Variants in PPM1F observed in about 807,000 individuals in gnomAD.
PPM1F encodes the protein protein phosphatase 1F.
PPM1F carries 17 observed loss-of-function variants against 35.5 expected under a neutral mutation model. The ratio of observed to expected loss-of-function variants is 0.48; its 90% confidence interval spans 0.33 to 0.72. PPM1F has a LOEUF of 0.72. PPM1F is among the 30% of genes least tolerant of loss of function. The probability of loss-of-function intolerance (pLI) is 0.02; values close to 1 mark genes in which losing one functional copy is unlikely to be tolerated. For synonymous variants in PPM1F, 241 were observed against 255.5 expected, an observed-to-expected ratio of 0.94 and a Z score of 0.54; for missense variants, 521 against 613.0, an observed-to-expected ratio of 0.85 and a Z score of 1.59.
intron 3 of PPM1F, chr22:21,934,513 A>G (rs2070635579): frequency 4.7e-6 from 2 of 427,058 alleles, no homozygotes; most frequent in Non-Finnish European, 8.4e-6. Context: ...TTTTAAAGAC[A>G]AAGTACAGAA....
rs1292710678 is a variant in PPM1F, at chr22:21,939,541, G to A, written c.346C>T (p.Pro116Ser). Residue 116 changes from proline to serine, a missense_variant, in exon 3 of 8, where the codon CCT becomes TCT. Pro to Ser is a moderately conservative substitution (Grantham distance 74). Coordinates refer to ENST00000263212, the MANE Select transcript of PPM1F (RefSeq NM_014634.4). This position sits in a 1 kb window ranked among gnomAD's most constrained non-coding sequence, Gnocchi z 5.1. ...AAGAAACAGAACTCACAGGTCACAG[G>A]GGCCTTTTCCTCCTCGTCATCGTCC... ...EEDDDEEEKA[P>S]VTLLDAQSLA... 6.3e-7 allele frequency: 1 copy of A among 1,596,084 alleles called. No homozygotes were observed. The highest frequency in any genetic ancestry group is 8.5e-7 in the Non-Finnish European group (1 of 1,170,354).
In PPM1F at chr22:21,922,393, T is replaced by TG. The variant is rs1425210433; in HGVS notation, c.*698dup. 6.6e-6 allele frequency: 1 copy of TG among 152,482 alleles called. No homozygotes were observed. Among genetic ancestry groups the TG allele is most frequent in the Non-Finnish European group, 1.5e-5 (1 of 68,036 alleles). 9.4% of individuals were successfully genotyped at this position (152,482 alleles called of 1,614,324 possible). On this transcript the variant is annotated 3_prime_UTR_variant, in exon 8 of 8. Coordinates refer to ENST00000263212, the MANE Select transcript of PPM1F (RefSeq NM_014634.4). ...ATACTGCTTCGGAATTAGACCTCCC[T>TG]GGAAAAAAACAAACACACCAACAAA...
At position 21,921,151 on chromosome 22, in the gene PPM1F, C is replaced by T. The variant is rs41283227; in HGVS notation, c.*1941G>A. 0.13 allele frequency: 20,505 copies of T among 152,508 alleles called. 1,514 individuals carry two copies. The highest frequency in any genetic ancestry group is 0.18 in the Middle Eastern group (53 of 296). The allele number at this position is 152,508 out of a possible 1,614,324, so 9.4% of individuals were successfully genotyped here. ...TAGGGCCCCAGCAAAGCTGGCTCCC[C>T]GCTCCCTGTGGGACAGAGGGCTCCC... On this transcript the variant is annotated 3_prime_UTR_variant, in exon 8 of 8. Coordinates refer to ENST00000263212, the MANE Select transcript of PPM1F (RefSeq NM_014634.4).
rs1292069014 is a variant in PPM1F at position 21,921,706 on chromosome 22, G to T, written c.*1386C>A. 1 of 152,312 alleles carries T rather than the reference G, an allele frequency of 6.6e-6. No homozygotes were observed. Among genetic ancestry groups the T allele is most frequent in the African/African-American group, 2.4e-5 (1 of 41,476 alleles). 9.4% of individuals were successfully genotyped at this position (152,312 alleles called of 1,614,324 possible). A position where few individuals can be genotyped will look rare whatever the true frequency, so the allele number is the denominator to read the frequency against. On this transcript the variant is annotated 3_prime_UTR_variant, in exon 8 of 8. Coordinates refer to ENST00000263212, the MANE Select transcript of PPM1F (RefSeq NM_014634.4). ...AGCATCCCTGCTGCCTCCAGACTGA[G>T]ACAGAGACCCACGGGCTGCCTCTGT...
intron 2 of PPM1F, chr22:21,943,805 C>G (rs549214040): frequency 6.6e-6 from 1 of 152,422 alleles, no homozygotes; most frequent in Admixed American, 6.5e-5. Context: ...GCACCTGTGC[C>G]CCACGCAGGC....
chr22:21,931,088 A>G (rs1388140513), intron 6 of PPM1F, 60 bp downstream of exon 6: 3 of 1,597,574 alleles, frequency 1.9e-6, no homozygotes, highest in Non-Finnish European at 8.5e-7. Flanking sequence ...GGGTTCCCCT[A>G]TGGGCCCAGC....
At position 21,946,091 on chromosome 22, in the gene PPM1F, G is replaced by A. The variant is rs2070775030; in HGVS notation, c.-43C>T. 6.9e-7 allele frequency: 1 copy of A among 1,454,460 alleles called. No individual in the cohort carries two copies. Among genetic ancestry groups the A allele is most frequent in the African/African-American group, 1.4e-5 (1 of 69,500 alleles). 90.1% of individuals were successfully genotyped at this position (1,454,460 alleles called of 1,614,324 possible). A position where few individuals can be genotyped will look rare whatever the true frequency, so the allele number is the denominator to read the frequency against. ...GGCCTGCAGCTAGGCCAGGGCAAGAGGGTCTCCAGGCTTCACCCTGGGGAG... is the reference window on the plus strand; with the variant it reads ...GGCCTGCAGCTAGGCCAGGGCAAGAAGGTCTCCAGGCTTCACCCTGGGGAG... On this transcript the variant is annotated 5_prime_UTR_variant, in exon 2 of 8. Coordinates refer to ENST00000263212, the MANE Select transcript of PPM1F (RefSeq NM_014634.4).
chr22:21,928,324 G>A (rs1303770392), intron 6 of PPM1F, among the ~76,000 whole-genome samples: 3 of 152,140 alleles, frequency 2.0e-5, no homozygotes, highest in Non-Finnish European at 2.9e-5. Context: ...CTGCAGAGCC[G>A]GGACTCCTAT....
intron 6 of PPM1F, among the ~76,000 whole-genome samples, chr22:21,930,271 G>A (rs902437837): frequency 2.6e-5 from 4 of 152,222 alleles, no homozygotes; most frequent in Non-Finnish European, 5.9e-5. Flanking sequence ...GGCTGGCATG[G>A]CCTGAGGTGG....
chr22:21,923,530 A>C, intron 7 of PPM1F, 59 bp from the exon 8 acceptor site: 1 of 1,533,554 alleles, frequency 6.5e-7, no homozygotes. Context: ...CTTCCTCCCC[A>C]CCTACCCAGG....
chr22:21,939,750 C>G lies in PPM1F; in HGVS notation c.207-70G>C. 6.5e-7 allele frequency: 1 copy of G among 1,529,486 alleles called. No homozygotes were observed. The highest frequency in any genetic ancestry group is 8.8e-7 in the Non-Finnish European group (1 of 1,132,024). The allele number at this position is 1,529,486 out of a possible 1,614,324, so 94.7% of individuals were successfully genotyped here. ...ACCACACCTAGCCCCCCTTCCCCAA[C>G]TGTCAGCCCACATGCTGAGGGGTCA... On this transcript the variant is annotated intron_variant, in intron 2 of 7. Coordinates refer to ENST00000263212, the MANE Select transcript of PPM1F (RefSeq NM_014634.4). This position sits in a 1 kb window ranked among gnomAD's most constrained non-coding sequence, Gnocchi z 5.1.
intron 3 of PPM1F, chr22:21,934,977 T>C (rs1206402568): frequency 6.8e-6 from 1 of 147,206 alleles, no homozygotes; most frequent in Non-Finnish European, 1.5e-5. Flanking sequence ...GCAACTCCCA[T>C]ACGACCCCAC....
chr22:21,930,576 G>GAAC (rs1245352637), intron 6 of PPM1F, among the ~76,000 whole-genome samples: 2 of 152,230 alleles, frequency 1.3e-5, no homozygotes, highest in Non-Finnish European at 2.9e-5. Context: ...AGCTGGTGGA[G>GAAC]AACAGCACGT....
At chr22:21,925,144 C>T (rs1278519990) in intron 7 of PPM1F, 2 of 253,434 alleles carry the variant, frequency 7.9e-6, no homozygotes, top group Non-Finnish European at 1.5e-5. Flanking sequence ...ATCCACCCAC[C>T]TCGGCCTCCC....
chr22:21,934,143 C>A lies in PPM1F; in HGVS notation c.439G>T (p.Ala147Ser). 1 of 1,575,728 alleles carries A rather than the reference C, an allele frequency of 6.3e-7. No homozygotes were observed. Among genetic ancestry groups the A allele is most frequent in the East Asian group, 2.3e-5 (1 of 43,084 alleles). The change falls in exon 4 of 8, where the codon GCT becomes TCT. Residue 147 changes from alanine (A) to serine (S), a missense_variant. Around this residue, in one of 3 missense-constraint regions of PPM1F, gnomAD observed 311 missense variants for 351.5 expected, o/e 0.88. Coordinates refer to ENST00000263212, the MANE Select transcript of PPM1F (RefSeq NM_014634.4). ...AGQWQKQVPL[A>S]ARASQRQWLV... The stretch of plus-strand genomic sequence containing the variant: ...CACTGCCGCTGTGAGGCCCGGGCAG[C>A]CAATGGCACCTGCTTCTGCCACTGG...
At chr22:21,927,092 C>A (rs1485010994) in intron 6 of PPM1F, among the ~76,000 whole-genome samples, 4 of 152,170 alleles carry the variant, frequency 2.6e-5, no homozygotes, top group Non-Finnish European at 5.9e-5. Flanking sequence ...GGTGGAGAAT[C>A]AAGCCATGAA....
Position 21,939,575 on chromosome 22 carries a change from T to G in PPM1F, c.312A>C (p.Glu104Asp). The part of the protein sequence containing the change: ...EFRKLPREEE[E>D]EEEDDDEEEK... ...CCTCCTCGTCATCGTCCTCCTCCTC[T>G]TCTTCTTCCTCCCTGGGCAACTTCC... is the stretch of plus-strand genomic sequence containing the variant. The change falls in exon 3 of 8, where the codon GAA (glutamate) becomes GAC (aspartate). Residue 104 changes from glutamate to aspartate, a missense_variant. By Grantham distance (45) the Glu-to-Asp change is conservative. This residue lies in a region of PPM1F where 311 missense variants were observed against 351.5 expected (regional missense o/e 0.88). Transcript: ENST00000263212. This position sits in a 1 kb window ranked among gnomAD's most constrained non-coding sequence, Gnocchi z 5.1. 1 of 1,573,980 alleles carries G rather than the reference T, an allele frequency of 6.4e-7. No individual in the cohort carries two copies. The highest frequency in any genetic ancestry group is 8.6e-7 in the Non-Finnish European group (1 of 1,157,702).
intron 3 of PPM1F, chr22:21,938,304 G>T: frequency 8.1e-7 from 1 of 1,235,380 alleles, no homozygotes; most frequent in Non-Finnish European, 1.0e-6. Flanking sequence ...CAGAGCGGAG[G>T]AGCAGCAGCT....
intron 2 of PPM1F, chr22:21,942,440 C>T (rs748248791): frequency 4.6e-5 from 7 of 152,038 alleles, no homozygotes; most frequent in South Asian, 2.1e-4. Context: ...TCAGCAGATT[C>T]GTGATTTTTA....
Sources: gnomAD v4.1 joint callset for allele counts (sites outside exome capture counted in the v4.1 genomes callset) on GRCh38, gnomAD v4.1.1 for gene constraint, gnomAD v4.1.1 regional missense constraint, Gnocchi (gnomAD v3.1) non-coding constraint, MANE v1.5 for transcripts, NCBI Gene and HGNC (gene_info 2026-07-23, HGNC 2026-07-21) for gene names.